NWD2: variants seen among roughly 807,000 people sequenced by gnomAD.
NWD2 encodes NACHT and WD repeat domain-containing protein 2.
A neutral mutation model predicts 132.7 loss-of-function variants in NWD2; 37 were observed. The ratio of observed to expected loss-of-function variants is 0.28; its 90% CI spans 0.21 to 0.37. The LOEUF is 0.37. NWD2 is among the 10% of genes least tolerant of loss of function. The pLI, the probability that NWD2 is intolerant of heterozygous loss-of-function variation, is 1.00. For missense variants in NWD2, 1,592 were observed against 2,122.4 expected (o/e 0.75, Z 4.91); for synonymous variants, 705 against 803.0 (o/e 0.88, Z 2.06).
intron 3 of NWD2, among the ~76,000 whole-genome samples, chr4:37,420,607 C>A (rs1255675150): frequency 6.6e-6 from 1 of 152,174 alleles, no homozygotes; most frequent in African/African-American, 2.4e-5. Context: ...CGCTTGAACC[C>A]AGAAGGTGGA....
chr4:37,258,082 G>A (rs747502744), intron 1 of NWD2, among the ~76,000 whole-genome samples: 12 of 152,092 alleles, frequency 7.9e-5, no homozygotes, highest in Non-Finnish European at 5.9e-5. Flanking sequence ...CTTTTAGACC[G>A]TAATGCATAG....
chr4:37,413,040 C>A (rs1467865899), intron 3 of NWD2, among the ~76,000 whole-genome samples: 2 of 152,148 alleles, frequency 1.3e-5, no homozygotes, highest in Non-Finnish European at 2.9e-5. Context: ...CTGGGCAATA[C>A]CATTCAGGAC....
At chr4:37,278,417 C>A (rs1718067386) in intron 1 of NWD2, among the ~76,000 whole-genome samples, 1 of 152,110 alleles carries the variant, frequency 6.6e-6, no homozygotes, top group Non-Finnish European at 1.5e-5. Flanking sequence ...TCAGGTGAGC[C>A]CCTTTATTTA....
chr4:37,298,947 C>T (rs531219538), intron 1 of NWD2, among the ~76,000 whole-genome samples: 11 of 152,204 alleles, frequency 7.2e-5, no homozygotes, highest in African/African-American at 2.4e-4. Context: ...TTTATAATGG[C>T]TTGTGAACTA....
chr4:37,319,434 T>C (rs913632602), intron 1 of NWD2, among the ~76,000 whole-genome samples: 2 of 152,184 alleles, frequency 1.3e-5, no homozygotes, highest in African/African-American at 2.4e-5. Flanking sequence ...TGTCTCTTTA[T>C]TACTGCTGAT....
At chr4:37,336,666 C>T (rs1250744219) in intron 2 of NWD2, among the ~76,000 whole-genome samples, 3 of 152,108 alleles carry the variant, frequency 2.0e-5, no homozygotes, top group Admixed American at 1.3e-4. Flanking sequence ...TTTGGCTGGG[C>T]GCCATGGCTC....
Position 37,365,770 on chromosome 4 carries a change from A to G in NWD2, c.357+9288A>G, listed in dbSNP as rs186979337. Among the ~76,000 whole-genome samples the G allele has an allele frequency of 2.4e-3, 364 of 152,298 alleles. 4 individuals are homozygous for G. The highest frequency in any genetic ancestry group is 3.5e-3 in the Non-Finnish European group (238 of 68,022). On this transcript the variant is annotated intron_variant, in intron 3 of 6. Coordinates refer to ENST00000309447, the MANE Select transcript of NWD2 (RefSeq NM_001144990.2). Reference sequence around the variant, plus strand: ...AATATATTAAGTATTTCCACAGTAAACTTTTACTAACATATAAGCTATTTC... The same window carrying G: ...AATATATTAAGTATTTCCACAGTAAGCTTTTACTAACATATAAGCTATTTC...
intron 1 of NWD2, among the ~76,000 whole-genome samples, chr4:37,320,413 A>C (rs144581299): frequency 4.1e-4 from 63 of 152,316 alleles, no homozygotes; most frequent in East Asian, 3.9e-3. Context: ...TTTTGTTTTC[A>C]TTTTGTCTTG....
intron 2 of NWD2, among the ~76,000 whole-genome samples, chr4:37,353,306 C>G (rs1719807295): frequency 6.6e-6 from 1 of 152,166 alleles, no homozygotes; most frequent in Non-Finnish European, 1.5e-5. Context: ...CTTGGTGAAT[C>G]TGACGATTAT....
intron 2 of NWD2, among the ~76,000 whole-genome samples, chr4:37,338,851 G>T (rs1719464631): frequency 6.6e-6 from 1 of 152,154 alleles, no homozygotes; most frequent in African/African-American, 2.4e-5. Context: ...CTGTCTTCCT[G>T]CCTGAGAATC....
chr4:37,363,850 G>A (rs1259736652), intron 3 of NWD2, among the ~76,000 whole-genome samples: 5 of 152,080 alleles, frequency 3.3e-5, no homozygotes, highest in Non-Finnish European at 4.4e-5. Flanking sequence ...ACGGCCGGGC[G>A]CAGTGGCTCA....
intron 1 of NWD2, among the ~76,000 whole-genome samples, chr4:37,289,928 C>T (rs1718324328): frequency 1.3e-5 from 2 of 152,088 alleles, no homozygotes; most frequent in African/African-American, 4.8e-5. Context: ...GACTGTATGC[C>T]TAGGTACCCT....
chr4:37,344,699 T>A (rs1719597961), intron 2 of NWD2, among the ~76,000 whole-genome samples: 1 of 152,218 alleles, frequency 6.6e-6, no homozygotes, highest in African/African-American at 2.4e-5. Flanking sequence ...TATTATTTTT[T>A]AAATAGCTTT....
chr4:37,248,071 C>G (rs1318414626), intron 1 of NWD2, among the ~76,000 whole-genome samples: 1 of 152,180 alleles, frequency 6.6e-6, no homozygotes, highest in East Asian at 1.9e-4. Context: ...AATTATACCA[C>G]TTGCCAGAAT....
At chr4:37,355,818 T>C (rs1719860621) in intron 2 of NWD2, among the ~76,000 whole-genome samples, 1 of 152,150 alleles carries the variant, frequency 6.6e-6, no homozygotes. Flanking sequence ...CAGATATATA[T>C]TGATGAAAGC....
intron 1 of NWD2, among the ~76,000 whole-genome samples, chr4:37,299,709 G>A (rs1420828246): frequency 6.6e-6 from 1 of 152,212 alleles, no homozygotes. Context: ...AATGTGGGCA[G>A]GTGAACCAGG....
intron 3 of NWD2, among the ~76,000 whole-genome samples, chr4:37,363,421 ATGG>A (rs1720022469): frequency 6.6e-6 from 1 of 152,224 alleles, no homozygotes; most frequent in South Asian, 2.1e-4. Flanking sequence ...TAAAGAAAAT[ATGG>A]TACATAAACA....
At chr4:37,252,861 C>T (rs759983702) in intron 1 of NWD2, among the ~76,000 whole-genome samples, 1 of 152,164 alleles carries the variant, frequency 6.6e-6, no homozygotes, top group Non-Finnish European at 1.5e-5. Context: ...TATTTTGCTG[C>T]ATTCTGTCAT....
chr4:37,411,823 G>GT (rs1721165964), intron 3 of NWD2, among the ~76,000 whole-genome samples: 1 of 152,106 alleles, frequency 6.6e-6, no homozygotes, highest in African/African-American at 2.4e-5. Flanking sequence ...TGCAAGGCTG[G>GT]TTCAACATAT....
Sources: allele counts gnomAD v4.1 joint callset (sites outside exome capture counted in the v4.1 genomes callset), GRCh38; gene constraint gnomAD v4.1.1; transcripts MANE v1.5; gene names NCBI Gene and HGNC (gene_info 2026-07-23, HGNC 2026-07-21).